Variants in MAP4K5 observed in about 807,000 individuals in gnomAD.
MAP4K5 encodes mitogen-activated protein kinase kinase kinase kinase 5, also known as MAPK/ERK kinase kinase kinase 5.
Under a neutral mutation model 135.6 loss-of-function variants are expected in MAP4K5, and 82 were observed. The observed-to-expected ratio is 0.60, with a 90% CI of 0.51 to 0.73. MAP4K5 has a LOEUF of 0.73. Ranked by LOEUF, MAP4K5 falls within the 30% of genes least tolerant of loss-of-function variation. The pLI, the probability that MAP4K5 is intolerant of heterozygous loss-of-function variation, is 0.00. For missense variants in MAP4K5, 907 were observed against 1,010.9 expected, an observed-to-expected ratio of 0.90 and a Z score of 1.39; for synonymous variants, 347 against 335.0, an observed-to-expected ratio of 1.04 and a Z score of -0.39.
rs1458853184 is a variant in MAP4K5 at position 50,447,403 on chromosome 14, A to G, written c.1142+11T>C. ...AATAAAATATAGTTATTAAATTAGAAAACAACTTACTTGCCAGTATTTGCA... is the reference window on the plus strand; with the variant it reads ...AATAAAATATAGTTATTAAATTAGAGAACAACTTACTTGCCAGTATTTGCA... On this transcript the variant is annotated intron_variant, in intron 16 of 32. Transcript: ENST00000682126. The G allele has an allele frequency of 2.6e-6, 4 of 1,509,940 alleles. No individual in the cohort carries two copies. In the South Asian group the frequency reaches 3.7e-5, roughly 14 times the overall value. The allele number at this position is 1,509,940 out of a possible 1,614,324, so 93.5% of individuals were successfully genotyped here.
Position 50,445,256 on chromosome 14 carries a change from G to C in MAP4K5, c.1186-62C>G, listed in dbSNP as rs979860511. 12 of 1,507,680 alleles carry C rather than the reference G, an allele frequency of 8.0e-6. No homozygotes were observed. The Admixed American group carries it at 1.4e-4, about 17-fold the overall frequency. 93.4% of individuals were successfully genotyped at this position (1,507,680 alleles called of 1,614,324 possible). On this transcript the variant is annotated intron_variant, in intron 17 of 32. Transcript: ENST00000682126. ...ATCATTAGGCATCAGAGTCTTTAGG[G>C]AAAGGGAAATGCACCTTTTTTCATT...
chr14:50,520,450 G>A (rs1236978637), intron 2 of MAP4K5, among the ~76,000 whole-genome samples: 2 of 152,132 alleles, frequency 1.3e-5, no homozygotes, highest in South Asian at 4.1e-4. Flanking sequence ...GTAGTGAGCC[G>A]AGATCATGGC....
intron 2 of MAP4K5, among the ~76,000 whole-genome samples, chr14:50,517,843 T>C (rs986063175): frequency 6.6e-6 from 1 of 152,178 alleles, no homozygotes; most frequent in Non-Finnish European, 1.5e-5. Context: ...TTTTATCCTC[T>C]GACAAGAGTA....
chr14:50,457,797 T>A (rs1181191804), intron 13 of MAP4K5, among the ~76,000 whole-genome samples: 1 of 152,194 alleles, frequency 6.6e-6, no homozygotes, highest in Non-Finnish European at 1.5e-5. Flanking sequence ...GTCCATTGAT[T>A]CATTATTTTC....
In MAP4K5 at chr14:50,476,095, T is replaced by C. The variant is rs764553587; in HGVS notation, c.469+33A>G. On this transcript the variant is annotated intron_variant, in intron 8 of 32. Coordinates refer to ENST00000682126, the MANE Select transcript of MAP4K5 (RefSeq NM_006575.6). ...TTTTATTAAAATGTCATTAAATTTT[T>C]GGAAAAAATTTTAGGAATTTGAAAT... is the stretch of plus-strand genomic sequence containing the variant. 10 of 1,291,204 alleles carry C rather than the reference T, an allele frequency of 7.7e-6. No homozygotes were observed. In the South Asian group the frequency reaches 1.6e-4, roughly 21 times the overall value. 80.0% of individuals were successfully genotyped at this position (1,291,204 alleles called of 1,614,324 possible). A position where few individuals can be genotyped will look rare whatever the true frequency, so the allele number is the denominator to read the frequency against.
intron 2 of MAP4K5, among the ~76,000 whole-genome samples, chr14:50,526,912 A>G (rs1255607278): frequency 6.6e-6 from 1 of 152,210 alleles, no homozygotes; most frequent in Non-Finnish European, 1.5e-5. Context: ...TAGTGATAAG[A>G]CTACATGACA....
chr14:50,486,142 T>C lies in MAP4K5; in HGVS notation c.219A>G (p.Lys73=). ...QQEIFMVKEC[K]HCNIVAYFGS... Reference sequence around the variant, plus strand: ...CAAAGTAGGCAACGATGTTACAATGTTTACATTCTTTAACCATAAATATTT... The same window carrying C: ...CAAAGTAGGCAACGATGTTACAATGCTTACATTCTTTAACCATAAATATTT... The change falls in exon 4 of 33, where the codon AAA becomes AAG. Residue 73 remains lysine, a synonymous_variant. Transcript: ENST00000682126. 1 of 1,421,210 alleles carries C rather than the reference T, an allele frequency of 7.0e-7. No homozygotes were observed. Among genetic ancestry groups the C allele is most frequent in the Non-Finnish European group, 9.6e-7 (1 of 1,040,622 alleles). The allele number at this position is 1,421,210 out of a possible 1,614,324, so 88.0% of individuals were successfully genotyped here.
chr14:50,518,637 T>C (rs1047960591), intron 2 of MAP4K5, among the ~76,000 whole-genome samples: 6 of 152,180 alleles, frequency 3.9e-5, no homozygotes, highest in Non-Finnish European at 8.8e-5. Context: ...ATTCAGAGCC[T>C]AAAGCCTTCC....
chr14:50,482,650 A>T, intron 5 of MAP4K5: 1 of 330,642 alleles, frequency 3.0e-6, no homozygotes, highest in Non-Finnish European at 5.5e-6. Flanking sequence ...GGTGGTGCGC[A>T]CCTGTAGTCC....
In MAP4K5 at chr14:50,418,956, G is replaced by A. The variant is rs1180774490; in HGVS notation, c.*1063C>T. The A allele has an allele frequency of 6.6e-6, 1 of 151,998 alleles. No homozygotes were observed. The highest frequency in any genetic ancestry group is 2.4e-5 in the African/African-American group (1 of 41,402). 9.4% of individuals were successfully genotyped at this position (151,998 alleles called of 1,614,324 possible). A position where few individuals can be genotyped will look rare whatever the true frequency, so the allele number is the denominator to read the frequency against. The stretch of plus-strand genomic sequence containing the variant: ...ATACTTATTGATACTATCCCATCAG[G>A]AATTCAATTCATTTAAATATTTTTT... On this transcript the variant is annotated 3_prime_UTR_variant, in exon 33 of 33. Transcript: ENST00000682126.
upstream of MAP4K5, among the ~76,000 whole-genome samples, chr14:50,535,890 G>C: frequency 6.6e-6 from 1 of 152,134 alleles, no homozygotes; most frequent in East Asian, 1.9e-4. Context: ...GAATCATGAG[G>C]GCAAGTCTTT....
At chr14:50,456,867 A>G in intron 13 of MAP4K5, 1 of 302,532 alleles carries the variant, frequency 3.3e-6, no homozygotes, top group Non-Finnish European at 6.0e-6. Context: ...ACAAATACAG[A>G]TAAGAAAATG....
chr14:50,436,890 G>A (rs1017581846), intron 26 of MAP4K5, among the ~76,000 whole-genome samples: 2 of 152,120 alleles, frequency 1.3e-5, no homozygotes, highest in Admixed American at 1.3e-4. Context: ...TTCTGTCCCT[G>A]TTCTAAACGG....
chr14:50,462,550 TA>T, intron 13 of MAP4K5, 114 bp downstream of exon 13: 1 of 697,750 alleles, frequency 1.4e-6, no homozygotes, highest in Non-Finnish European at 2.5e-6. Flanking sequence ...TCTCTGTAGC[TA>T]AACCTGTTTT....
At chr14:50,472,047 C>G (rs2036976640) in intron 9 of MAP4K5, 1 of 151,486 alleles carries the variant, frequency 6.6e-6, no homozygotes, top group African/African-American at 2.4e-5. Flanking sequence ...CATGAGAGAA[C>G]TCATACTGGT....
intron 3 of MAP4K5, among the ~76,000 whole-genome samples, chr14:50,493,214 C>T (rs1566676807): frequency 6.6e-6 from 1 of 152,120 alleles, no homozygotes; most frequent in Non-Finnish European, 1.5e-5. Flanking sequence ...GTCCTTCTGC[C>T]TCAGCCTCCC....
At chr14:50,520,882 G>C (rs2038136216) in intron 2 of MAP4K5, among the ~76,000 whole-genome samples, 1 of 149,756 alleles carries the variant, frequency 6.7e-6, no homozygotes, top group South Asian at 2.1e-4. Flanking sequence ...GAGTGCAGTG[G>C]CGCGATCTTT....
chr14:50,515,833 G>A (rs895529182), intron 2 of MAP4K5, among the ~76,000 whole-genome samples: 1 of 152,042 alleles, frequency 6.6e-6, no homozygotes, highest in African/African-American at 2.4e-5. Flanking sequence ...CACCTATGCA[G>A]CCAACCATCT....
At chr14:50,500,804 A>G (rs1173980201) in intron 3 of MAP4K5, among the ~76,000 whole-genome samples, 1 of 152,148 alleles carries the variant, frequency 6.6e-6, no homozygotes, top group Non-Finnish European at 1.5e-5. Context: ...AGCACAAATA[A>G]AAGAGAGAAA....
Sources: allele counts gnomAD v4.1 joint callset (sites outside exome capture counted in the v4.1 genomes callset), GRCh38; gene constraint gnomAD v4.1.1; transcripts MANE v1.5; gene names NCBI Gene and HGNC (gene_info 2026-07-23, HGNC 2026-07-21).